The following MAGI1 variants were observed in gnomAD, a reference collection of about 807,000 sequenced individuals.
MAGI1 encodes membrane associated guanylate kinase, WW and PDZ domain containing 1.
In MAGI1, 58 loss-of-function variants were observed where a neutral mutation model predicts 139.9. The observed-to-expected ratio is 0.41, with a 90% CI of 0.34 to 0.52. The LOEUF (loss-of-function observed/expected upper bound fraction) is 0.52. Among genes scored for constraint, MAGI1 ranks in the 20% least tolerant of loss-of-function variants. The probability of loss-of-function intolerance (pLI) is 0.12; values close to 1 mark genes in which losing one functional copy is unlikely to be tolerated. For missense variants in MAGI1, 1,874 were observed against 1,901.6 expected (o/e 0.99, Z 0.27); for synonymous variants, 812 against 737.9 (o/e 1.10, Z -1.63).
intron 2 of MAGI1, among the ~76,000 whole-genome samples, chr3:65,581,184 T>C (rs1036741203): frequency 2.0e-5 from 3 of 151,998 alleles, no homozygotes; most frequent in Admixed American, 6.6e-5. Context: ...ACACTCTATA[T>C]CCAAAGAGCA....
At chr3:65,703,483 A>G (rs1427318400) in intron 1 of MAGI1, among the ~76,000 whole-genome samples, 1 of 152,224 alleles carries the variant, frequency 6.6e-6, no homozygotes, top group African/African-American at 2.4e-5. Context: ...AATTCTACCC[A>G]AGCCCAAGGC....
At chr3:65,819,875 C>CAAA (rs3077818) in intron 1 of MAGI1, among the ~76,000 whole-genome samples, 1,573 of 33,390 alleles carry the variant, frequency 0.047, 163 homozygotes, top group Non-Finnish European at 0.077. Flanking sequence ...GACTCCATCT[C>CAAA]AAAAAAAAAA....
chr3:65,640,952 T>C (rs2084949307), intron 1 of MAGI1, among the ~76,000 whole-genome samples: 1 of 152,188 alleles, frequency 6.6e-6, no homozygotes, highest in African/African-American at 2.4e-5. Flanking sequence ...CTCTTTTTTG[T>C]TGCTTGATTC....
At chr3:65,709,696 C>T (rs2031040641) in intron 1 of MAGI1, among the ~76,000 whole-genome samples, 1 of 152,186 alleles carries the variant, frequency 6.6e-6, no homozygotes, top group African/African-American at 2.4e-5. Context: ...ACATTGACAC[C>T]CAATTTTGCC....
chr3:65,839,737 A>G (rs2058742860), intron 1 of MAGI1, among the ~76,000 whole-genome samples: 1 of 152,226 alleles, frequency 6.6e-6, no homozygotes, highest in Non-Finnish European at 1.5e-5. Flanking sequence ...CATAAAAGGA[A>G]AAGACTGACA....
At chr3:65,426,106 G>A (rs1947026252) in intron 12 of MAGI1, among the ~76,000 whole-genome samples, 1 of 152,128 alleles carries the variant, frequency 6.6e-6, no homozygotes, top group Non-Finnish European at 1.5e-5. Context: ...ACACAGAGAA[G>A]AACTGCCCTT....
At position 65,463,442 on chromosome 3, in the gene MAGI1, G is replaced by C. The variant is rs147108492; in HGVS notation, c.959+6841C>G. On this transcript the variant is annotated intron_variant, in intron 5 of 22. Coordinates refer to ENST00000402939, the MANE Select transcript of MAGI1 (RefSeq NM_001033057.2). ...TATGTTGAACCAGCCTTGCAGCCCA[G>C]GGATGAAGCTGACTTGATCGTGGTG... Among the ~76,000 whole-genome samples, 24 of 152,272 alleles carry C rather than the reference G, an allele frequency of 1.6e-4. 1 individual carries two copies. The East Asian group carries it at 4.4e-3, about 28-fold the overall frequency.
intron 2 of MAGI1, among the ~76,000 whole-genome samples, chr3:65,529,373 C>A (rs1422680330): frequency 6.6e-6 from 1 of 152,114 alleles, no homozygotes; most frequent in African/African-American, 2.4e-5. Flanking sequence ...TCCCTGTTCT[C>A]CTCTCCCCCA....
rs2078502265 is a variant in MAGI1 at position 65,528,734 on chromosome 3, A to G, written c.431-35103T>C. ...AGGTAAAAACTGGCCCCTGTACCAA[A>G]ACATTATTTTACCATTCAAAATACT... On this transcript the variant is annotated intron_variant, in intron 2 of 22. Transcript: ENST00000402939. Among the ~76,000 whole-genome samples, 4 of 152,162 alleles carry G rather than the reference A, an allele frequency of 2.6e-5. 1 individual carries two copies. The South Asian group carries it at 8.3e-4, about 31-fold the overall frequency.
At chr3:65,576,893 G>A (rs2081201953) in intron 2 of MAGI1, among the ~76,000 whole-genome samples, 1 of 152,124 alleles carries the variant, frequency 6.6e-6, no homozygotes, top group South Asian at 2.1e-4. Flanking sequence ...GATGATGTAT[G>A]GTTACCCCTG....
chr3:65,471,837 C>T (rs1950577244), intron 4 of MAGI1, among the ~76,000 whole-genome samples: 1 of 152,166 alleles, frequency 6.6e-6, no homozygotes, highest in Non-Finnish European at 1.5e-5. Context: ...GAGGTGGTCG[C>T]TTGAGGCTGG....
At chr3:65,647,453 T>C (rs530832635) in intron 1 of MAGI1, among the ~76,000 whole-genome samples, 9 of 152,146 alleles carry the variant, frequency 5.9e-5, no homozygotes, top group African/African-American at 2.2e-4. Flanking sequence ...AGTGGACCAG[T>C]ATCTCCCACA....
At chr3:65,401,945 T>A in intron 12 of MAGI1, 1 of 973,146 alleles carries the variant, frequency 1.0e-6, no homozygotes, top group Non-Finnish European at 1.2e-6. Flanking sequence ...ATTTTTTTGG[T>A]CTTTTCTTTT....
intron 1 of MAGI1, among the ~76,000 whole-genome samples, chr3:65,858,751 G>A (rs1413539995): frequency 1.3e-5 from 2 of 152,162 alleles, no homozygotes; most frequent in Non-Finnish European, 2.9e-5. Flanking sequence ...ATGACATGGG[G>A]TGAAACCACA....
chr3:65,923,550 A>T (rs1560018022), intron 1 of MAGI1, among the ~76,000 whole-genome samples: 3 of 152,084 alleles, frequency 2.0e-5, no homozygotes, highest in Admixed American at 2.0e-4. Flanking sequence ...AATAATAAAC[A>T]TCATAAAAAG....
intron 1 of MAGI1, among the ~76,000 whole-genome samples, chr3:66,027,278 AAAT>A (rs1351491902): frequency 1.0e-4 from 3 of 29,388 alleles, no homozygotes; most frequent in Non-Finnish European, 2.8e-4. Context: ...ATAAATAAAT[AAAT>A]AAATAAATAA....
intron 7 of MAGI1, among the ~76,000 whole-genome samples, chr3:65,444,998 G>T (rs1948589069): frequency 6.6e-6 from 1 of 152,126 alleles, no homozygotes; most frequent in Non-Finnish European, 1.5e-5. Flanking sequence ...GGTTCTAAAA[G>T]ACTGAAAAAG....
At chr3:65,445,590 G>C (rs1948626392) in intron 7 of MAGI1, among the ~76,000 whole-genome samples, 1 of 152,152 alleles carries the variant, frequency 6.6e-6, no homozygotes, top group African/African-American at 2.4e-5. Context: ...GGTGGGAGGA[G>C]AACTTACTTT....
chr3:65,605,586 T>C (rs1343551064), intron 2 of MAGI1, among the ~76,000 whole-genome samples: 1 of 152,154 alleles, frequency 6.6e-6, no homozygotes, highest in Non-Finnish European at 1.5e-5. Context: ...CCAGCCCTTG[T>C]AGGCCAACCA....
Sources: gnomAD v4.1 joint callset for allele counts (sites outside exome capture counted in the v4.1 genomes callset) on GRCh38, gnomAD v4.1.1 for gene constraint, MANE v1.5 for transcripts, NCBI Gene and HGNC (gene_info 2026-07-23, HGNC 2026-07-21) for gene names.